RXYLT1: variants seen among roughly 807,000 people sequenced by gnomAD.
RXYLT1 encodes the protein ribitol-5-phosphate xylosyltransferase 1.
In RXYLT1, 41 loss-of-function variants were observed where a neutral mutation model predicts 43.5. That is an observed-to-expected ratio of 0.94 (90% CI 0.73 to 1.22). The LOEUF is 1.22. Among genes scored for constraint, RXYLT1 ranks in the 50% most tolerant of loss-of-function variants. RXYLT1 has a pLI of 0.00. For synonymous variants in RXYLT1, 166 were observed against 194.4 expected (o/e 0.85, Z 1.21); for missense variants, 514 against 532.0 (o/e 0.97, Z 0.33).
intron 3 of RXYLT1, among the ~76,000 whole-genome samples, chr12:63,790,894 G>T (rs1897906899): frequency 6.6e-6 from 1 of 152,182 alleles, no homozygotes. Flanking sequence ...GATTAAATGT[G>T]TTAATAAATT....
At chr12:63,793,668 ATAG>A (rs1381671821) in intron 3 of RXYLT1, among the ~76,000 whole-genome samples, 1 of 152,208 alleles carries the variant, frequency 6.6e-6, no homozygotes, top group African/African-American at 2.4e-5. Context: ...AGCTGCCTAA[ATAG>A]TAGTAGAAAT....
chr12:63,787,666 C>T (rs966713443), intron 3 of RXYLT1, among the ~76,000 whole-genome samples: 1 of 151,866 alleles, frequency 6.6e-6, no homozygotes, highest in Non-Finnish European at 1.5e-5. Context: ...CTTGTTCTGT[C>T]ATCCAGGCTG....
At chr12:63,800,098 T>C (rs936883032) in intron 3 of RXYLT1, among the ~76,000 whole-genome samples, 2 of 152,208 alleles carry the variant, frequency 1.3e-5, no homozygotes, top group Non-Finnish European at 2.9e-5. Flanking sequence ...AATATATTTT[T>C]ACGTTTTGTG....
Position 63,809,041 on chromosome 12 carries a change from G to A in RXYLT1, c.1281G>A (p.Met427Ile). 6.3e-7 allele frequency: 1 copy of A among 1,577,452 alleles called. No individual in the cohort carries two copies. The highest frequency in any genetic ancestry group is 8.6e-7 in the Non-Finnish European group (1 of 1,164,758). The change falls in exon 6 of 6, where the codon ATG (methionine) becomes ATA (isoleucine). Residue 427 changes from methionine (M) to isoleucine (I), a missense_variant. Transcript: ENST00000261234. Reference protein sequence around the residue: ...WYQHFKTELKMKFTNILESSF... With the variant: ...WYQHFKTELKIKFTNILESSF... ...AGCACTTCAAGACAGAGCTTAAAAT[G>A]AAATTTACTAATATTTTAGAAAGCT...
chr12:63,793,900 A>G (rs1281336522), intron 3 of RXYLT1, among the ~76,000 whole-genome samples: 1 of 152,262 alleles, frequency 6.6e-6, no homozygotes. Context: ...CATAAAAATT[A>G]GAACATCAAG....
chr12:63,781,024 T>C lies in RXYLT1; in HGVS notation c.175T>C (p.Ser59Pro), dbSNP rs139384235. 3 of 1,595,666 alleles carry C rather than the reference T, an allele frequency of 1.9e-6. No homozygotes were observed. The highest frequency in any genetic ancestry group is 2.6e-6 in the Non-Finnish European group (3 of 1,172,972). The change falls in exon 2 of 6, where the codon TCC (serine) becomes CCC (proline). Residue 59 changes from serine (S) to proline (P), a missense_variant. Physicochemically the swap from Ser to Pro is moderately conservative, Grantham distance 74. Coordinates refer to ENST00000261234, the MANE Select transcript of RXYLT1 (RefSeq NM_014254.3). Reference protein sequence around the residue: ...PARERRGREQSTLESEEWNPW... With the variant: ...PARERRGREQPTLESEEWNPW... ...ACTTACTCTTTTTAAAACAGAACAG[T>C]CCACTTTGGAAAGTGAAGAATGGAA... is the stretch of plus-strand genomic sequence containing the variant.
At chr12:63,796,285 C>G (rs1056849065) in intron 3 of RXYLT1, among the ~76,000 whole-genome samples, 4 of 152,164 alleles carry the variant, frequency 2.6e-5, no homozygotes, top group Non-Finnish European at 4.4e-5. Flanking sequence ...GAAACAACAT[C>G]GTGTCATCCT....
intron 2 of RXYLT1, among the ~76,000 whole-genome samples, chr12:63,784,652 T>G (rs1897760389): frequency 6.6e-6 from 1 of 152,238 alleles, no homozygotes; most frequent in Non-Finnish European, 1.5e-5. Flanking sequence ...ATAATACATT[T>G]CATTTCAGAA....
At chr12:63,804,618 T>TAAATCAGACTAAC (rs1284774986) in intron 4 of RXYLT1, 3 of 152,236 alleles carry the variant, frequency 2.0e-5, no homozygotes, top group African/African-American at 7.2e-5. Flanking sequence ...GTAGAATGCT[T>TAAATCAGACTAAC]AAATCAGACT....
At chr12:63,794,101 G>C (rs564299423) in intron 3 of RXYLT1, among the ~76,000 whole-genome samples, 2 of 152,112 alleles carry the variant, frequency 1.3e-5, no homozygotes, top group Non-Finnish European at 2.9e-5. Context: ...ATAACTTTTC[G>C]TGTTACTGGT....
intron 5 of RXYLT1, chr12:63,807,883 A>T (rs1393564079): frequency 6.6e-6 from 1 of 152,258 alleles, no homozygotes; most frequent in Non-Finnish European, 1.5e-5. Context: ...TTCTTTACTG[A>T]TCTTTCAGTT....
chr12:63,805,200 T>G (rs546207994), intron 4 of RXYLT1, 34 bp from the exon 5 acceptor site: 1 of 1,558,632 alleles, frequency 6.4e-7, no homozygotes, highest in South Asian at 1.2e-5. Flanking sequence ...CAATTCTATA[T>G]CATATGTTAA....
intron 3 of RXYLT1, among the ~76,000 whole-genome samples, chr12:63,798,801 A>G (rs1179988942): frequency 6.6e-6 from 1 of 152,212 alleles, no homozygotes; most frequent in Admixed American, 6.5e-5. Context: ...CCAAGGTTTG[A>G]GAAGTTCTAT....
At chr12:63,797,164 A>G (rs898974912) in intron 3 of RXYLT1, among the ~76,000 whole-genome samples, 1 of 151,672 alleles carries the variant, frequency 6.6e-6, no homozygotes, top group African/African-American at 2.4e-5. Flanking sequence ...GGGTTTCACC[A>G]TGTTGGCCAG....
In RXYLT1 at chr12:63,802,139, G is replaced by A. The variant is rs1017626426; in HGVS notation, c.477G>A (p.Val159=). ...AVIPGYFSVD[V]NNVVLILNGR... ...TACCAGGGTACTTCTCCGTTGATGT[G>A]AATAATGTGGTACTCATTTTAAATG... is the stretch of plus-strand genomic sequence containing the variant. Residue 159 remains valine (V), a synonymous_variant, in exon 4 of 6, where the codon GTG becomes GTA. Transcript: ENST00000261234. 6.2e-7 allele frequency: 1 copy of A among 1,613,478 alleles called. No homozygotes were observed. The highest frequency in any genetic ancestry group is 8.5e-7 in the Non-Finnish European group (1 of 1,179,854).
At chr12:63,805,464 G>A in intron 5 of RXYLT1, 60 bp downstream of exon 5, 1 of 1,480,544 alleles carries the variant, frequency 6.8e-7, no homozygotes, top group South Asian at 1.4e-5. Context: ...GTTGCTTTAT[G>A]TAGAAACACA....
chr12:63,781,604 A>G (rs893615277), intron 2 of RXYLT1, among the ~76,000 whole-genome samples: 2 of 152,242 alleles, frequency 1.3e-5, no homozygotes, highest in African/African-American at 4.8e-5. Flanking sequence ...GCCTTTCTCA[A>G]GAGCCTTTAA....
At chr12:63,788,168 T>C (rs1022856405) in intron 3 of RXYLT1, among the ~76,000 whole-genome samples, 7 of 152,210 alleles carry the variant, frequency 4.6e-5, no homozygotes, top group African/African-American at 1.7e-4. Context: ...TGTGAACAGA[T>C]GTTGCTGTCA....
intron 4 of RXYLT1, among the ~76,000 whole-genome samples, chr12:63,803,003 T>TAAA (rs555930671): frequency 0.013 from 1,764 of 136,134 alleles, 36 homozygotes; most frequent in African/African-American, 0.044. Flanking sequence ...ACCCTATCTC[T>TAAA]AAAAAAAAAA....
Sources: allele counts gnomAD v4.1 joint callset (sites outside exome capture counted in the v4.1 genomes callset), GRCh38; gene constraint gnomAD v4.1.1; transcripts MANE v1.5; gene names NCBI Gene and HGNC (gene_info 2026-07-23, HGNC 2026-07-21).